UMAD1: variants seen among roughly 807,000 people sequenced by gnomAD.
UMAD1 encodes the protein UBAP1-MVB12-associated (UMA) domain containing 1.
Under a neutral mutation model 6.1 loss-of-function variants are expected in UMAD1, and 8 were observed. The ratio of observed to expected loss-of-function variants is 1.30; its 90% confidence interval spans 0.76 to 2.35. UMAD1 has a LOEUF of 2.35. UMAD1 is among the 30% of genes most tolerant of loss of function. The pLI is 0.00. For synonymous variants in UMAD1, 56 were observed against 31.4 expected, an observed-to-expected ratio of 1.78 and a Z score of -2.61; for missense variants, 130 against 78.4, an observed-to-expected ratio of 1.66 and a Z score of -2.49.
chr7:7,717,610 A>G (rs1288699977), intron 2 of UMAD1, among the ~76,000 whole-genome samples: 1 of 152,236 alleles, frequency 6.6e-6, no homozygotes, highest in Admixed American at 6.5e-5. Context: ...TCTCAATCAC[A>G]TTGGCTAACA....
intron 1 of UMAD1, among the ~76,000 whole-genome samples, chr7:7,665,391 A>G (rs780624172): frequency 3.3e-5 from 5 of 152,220 alleles, no homozygotes; most frequent in Non-Finnish European, 7.3e-5. Context: ...CATGCAGAAA[A>G]GAAACATTTT....
At chr7:7,731,655 C>A (rs111731639) in intron 2 of UMAD1, among the ~76,000 whole-genome samples, 4 of 152,064 alleles carry the variant, frequency 2.6e-5, no homozygotes, top group Non-Finnish European at 4.4e-5. Flanking sequence ...TATAAGCTGC[C>A]GCAATAAAAG....
intron 2 of UMAD1, among the ~76,000 whole-genome samples, chr7:7,717,048 CTTTCTTTT>C (rs1191308694): frequency 2.1e-4 from 32 of 149,452 alleles, no homozygotes; most frequent in African/African-American, 7.1e-4. Flanking sequence ...CTTTTTCTTT[CTTTCTTTT>C]TTTCTTTTTT....
At chr7:7,852,919 G>A (rs1039893237) in intron 3 of UMAD1, among the ~76,000 whole-genome samples, 1 of 152,154 alleles carries the variant, frequency 6.6e-6, no homozygotes, top group Non-Finnish European at 1.5e-5. Flanking sequence ...TCGCCTCTCT[G>A]TGCAGCATTT....
chr7:7,723,456 G>A (rs531043331), intron 2 of UMAD1, among the ~76,000 whole-genome samples: 28 of 152,292 alleles, frequency 1.8e-4, no homozygotes, highest in African/African-American at 6.5e-4. Context: ...AGCTGGAAAT[G>A]CCTAATCTCC....
At position 7,863,686 on chromosome 7, in the gene UMAD1, C is replaced by T. The variant is rs115947768; in HGVS notation, c.157-13595C>T. Among the ~76,000 whole-genome samples the T allele has an allele frequency of 5.0e-3, 768 of 152,092 alleles. 7 individuals carry two copies. Among genetic ancestry groups the T allele is most frequent in the African/African-American group, 0.018 (727 of 41,456 alleles). ...CTCTTTTTCCTTCTTGCATCAAGAG[C>T]CAATGGAGAAATAAGATCAAAGAGC... is the stretch of plus-strand genomic sequence containing the variant. On this transcript the variant is annotated intron_variant, in intron 3 of 3. Transcript: ENST00000682710.
At chr7:7,851,533 G>T (rs192875647) in intron 3 of UMAD1, among the ~76,000 whole-genome samples, 1 of 152,144 alleles carries the variant, frequency 6.6e-6, no homozygotes, top group Non-Finnish European at 1.5e-5. Flanking sequence ...GTGTGGGAGT[G>T]TTCCAGTTTC....
At chr7:7,714,611 T>C (rs1022602443) in intron 2 of UMAD1, among the ~76,000 whole-genome samples, 3 of 152,206 alleles carry the variant, frequency 2.0e-5, no homozygotes, top group Non-Finnish European at 4.4e-5. Context: ...TAAATTCTCA[T>C]TTGCTTTAAA....
chr7:7,685,892 T>C (rs2115129589), intron 2 of UMAD1: 1 of 152,352 alleles, frequency 6.6e-6, no homozygotes, highest in East Asian at 1.9e-4. Flanking sequence ...GTCGTATCTT[T>C]TTTTGATTGT....
chr7:7,870,611 C>A (rs1271673566), intron 3 of UMAD1, among the ~76,000 whole-genome samples: 1 of 152,218 alleles, frequency 6.6e-6, no homozygotes, highest in African/African-American at 2.4e-5. Context: ...CCCCAGCCCC[C>A]ACCACTGCTT....
chr7:7,644,289 T>C (rs566010361), intron 1 of UMAD1, among the ~76,000 whole-genome samples: 1 of 152,202 alleles, frequency 6.6e-6, no homozygotes, highest in African/African-American at 2.4e-5. Context: ...ATTAGTGAGA[T>C]ATTGTAATGG....
chr7:7,664,856 T>A (rs1224459347), intron 1 of UMAD1, among the ~76,000 whole-genome samples: 1 of 152,338 alleles, frequency 6.6e-6, no homozygotes, highest in East Asian at 1.9e-4. Flanking sequence ...AGTAAACTTG[T>A]TGTCTAAATT....
At chr7:7,807,532 A>G (rs1407266777) in intron 3 of UMAD1, among the ~76,000 whole-genome samples, 1 of 152,110 alleles carries the variant, frequency 6.6e-6, no homozygotes, top group Non-Finnish European at 1.5e-5. Context: ...TCATAGCCCA[A>G]GTATATTTCA....
At chr7:7,644,484 T>A (rs1161995506) in intron 1 of UMAD1, among the ~76,000 whole-genome samples, 1 of 152,192 alleles carries the variant, frequency 6.6e-6, no homozygotes, top group Non-Finnish European at 1.5e-5. Flanking sequence ...CTTAAAGGTA[T>A]TCTATTTTTC....
intron 2 of UMAD1, among the ~76,000 whole-genome samples, chr7:7,789,664 G>A (rs62434079): frequency 1.4e-5 from 2 of 148,004 alleles, no homozygotes; most frequent in Non-Finnish European, 3.0e-5. Context: ...TTTTCTGTCT[G>A]TATGAATGTG....
intron 2 of UMAD1, among the ~76,000 whole-genome samples, chr7:7,799,113 G>A (rs1283550630): frequency 6.6e-6 from 1 of 151,808 alleles, no homozygotes; most frequent in Non-Finnish European, 1.5e-5. Context: ...CTTTTATATG[G>A]ATTAGAGAAA....
chr7:7,650,281 C>A (rs926989286), intron 1 of UMAD1, among the ~76,000 whole-genome samples: 1 of 152,116 alleles, frequency 6.6e-6, no homozygotes, highest in African/African-American at 2.4e-5. Context: ...ATATATTTAT[C>A]ATTTTCTTTA....
intron 2 of UMAD1, among the ~76,000 whole-genome samples, chr7:7,730,274 G>A (rs762984462): frequency 2.6e-5 from 4 of 152,086 alleles, no homozygotes; most frequent in Non-Finnish European, 4.4e-5. Flanking sequence ...CAATGTCTGC[G>A]ATTTACTCCT....
chr7:7,827,921 G>C (rs1035895027), intron 3 of UMAD1, among the ~76,000 whole-genome samples: 9 of 152,162 alleles, frequency 5.9e-5, no homozygotes, highest in African/African-American at 1.9e-4. Context: ...GTTGTTCATA[G>C]AATCAGTTTT....
Sources: allele counts gnomAD v4.1 joint callset (sites outside exome capture counted in the v4.1 genomes callset), GRCh38; gene constraint gnomAD v4.1.1; transcripts MANE v1.5; gene names NCBI Gene and HGNC (gene_info 2026-07-23, HGNC 2026-07-21).